Variants in GALNT13 observed in about 807,000 individuals in gnomAD.
The protein encoded by GALNT13 is polypeptide N-acetylgalactosaminyltransferase 13, also known as UDP-GalNAc:polypeptide N-acetylgalactosaminyltransferase 13.
GALNT13 carries 28 observed loss-of-function variants against 64.2 expected under a neutral mutation model. The observed-to-expected ratio is 0.44, with a 90% CI of 0.32 to 0.60. GALNT13 has a LOEUF of 0.60. Among genes scored for constraint, GALNT13 ranks in the 20% least tolerant of loss-of-function variants. The pLI, the probability that GALNT13 is intolerant of heterozygous loss-of-function variation, is 0.05. For missense variants in GALNT13, 577 were observed against 669.8 expected (o/e 0.86, Z 1.53); for synonymous variants, 214 against 224.6 (o/e 0.95, Z 0.42).
chr2:153,138,980 T>G, the GALNT13 span, among the ~76,000 whole-genome samples: 1 of 152,084 alleles, frequency 6.6e-6, no homozygotes, highest in Non-Finnish European at 1.5e-5. Context: ...ATGGAAATTT[T>G]CTGCCTGTCC....
At chr2:154,027,939 A>T (rs766876698) in intron 3 of GALNT13, among the ~76,000 whole-genome samples, 2 of 152,180 alleles carry the variant, frequency 1.3e-5, no homozygotes, top group African/African-American at 2.4e-5. Flanking sequence ...ATTTTTAAAT[A>T]AAGTGAATAT....
intron 4 of GALNT13, among the ~76,000 whole-genome samples, chr2:154,224,044 T>A: frequency 6.6e-6 from 1 of 152,094 alleles, no homozygotes; most frequent in African/African-American, 2.4e-5. Flanking sequence ...TTTATTTATT[T>A]ATTTGTATAG....
the GALNT13 span, among the ~76,000 whole-genome samples, chr2:153,094,285 G>A: frequency 7.9e-5 from 12 of 151,656 alleles, no homozygotes; most frequent in South Asian, 2.1e-4. Context: ...TGTATACTGC[G>A]TTTTTTGTAT....
the GALNT13 span, among the ~76,000 whole-genome samples, chr2:153,384,362 A>G: frequency 4.6e-5 from 7 of 152,168 alleles, no homozygotes; most frequent in East Asian, 9.7e-4. Flanking sequence ...CATTTTTAAA[A>G]CTTCGTGTTC....
the GALNT13 span, among the ~76,000 whole-genome samples, chr2:153,379,370 G>A: frequency 6.6e-6 from 1 of 152,100 alleles, no homozygotes; most frequent in Non-Finnish European, 1.5e-5. Flanking sequence ...GACCATCTAA[G>A]TGACCCTACA....
chr2:153,206,433 A>T, the GALNT13 span, among the ~76,000 whole-genome samples: 1 of 152,110 alleles, frequency 6.6e-6, no homozygotes, highest in Non-Finnish European at 1.5e-5. Context: ...AATTTTGTGG[A>T]TATATTATAA....
At chr2:153,922,855 G>A (rs1250517635) in intron 2 of GALNT13, among the ~76,000 whole-genome samples, 1 of 151,730 alleles carries the variant, frequency 6.6e-6, no homozygotes, top group Non-Finnish European at 1.5e-5. Flanking sequence ...AAAGTAATAA[G>A]GTCATTTGAA....
the GALNT13 span, among the ~76,000 whole-genome samples, chr2:153,708,500 A>G: frequency 6.6e-6 from 1 of 152,160 alleles, no homozygotes; most frequent in Non-Finnish European, 1.5e-5. Flanking sequence ...TATCATGGCA[A>G]TCAGTCTTTA....
the GALNT13 span, among the ~76,000 whole-genome samples, chr2:153,559,603 C>A: frequency 6.6e-6 from 1 of 152,070 alleles, no homozygotes; most frequent in East Asian, 1.9e-4. Flanking sequence ...CTGCTTGTTT[C>A]ACTTCTGTTA....
chr2:154,419,460 T>G (rs189205309), intron 11 of GALNT13, among the ~76,000 whole-genome samples: 3 of 152,324 alleles, frequency 2.0e-5, no homozygotes, highest in African/African-American at 7.2e-5. Context: ...GTTTCTACAT[T>G]TTGATTGTTA....
intron 12 of GALNT13, among the ~76,000 whole-genome samples, chr2:154,439,895 G>T (rs1701198151): frequency 6.6e-6 from 1 of 152,204 alleles, no homozygotes; most frequent in Admixed American, 6.5e-5. Flanking sequence ...GTACCAGTGT[G>T]ATTAAGATGC....
the GALNT13 span, among the ~76,000 whole-genome samples, chr2:153,857,993 A>G: frequency 2.0e-5 from 3 of 152,212 alleles, no homozygotes; most frequent in Non-Finnish European, 4.4e-5. Flanking sequence ...AACTGCCTCT[A>G]TAATAGGAGG....
chr2:154,081,125 T>C (rs1701251100), intron 3 of GALNT13, among the ~76,000 whole-genome samples: 1 of 151,614 alleles, frequency 6.6e-6, no homozygotes, highest in Non-Finnish European at 1.5e-5. Context: ...CAAATGATTT[T>C]AGCATCAACT....
At chr2:153,596,818 G>A in the GALNT13 span, among the ~76,000 whole-genome samples, 1 of 151,616 alleles carries the variant, frequency 6.6e-6, no homozygotes, top group African/African-American at 2.4e-5. Flanking sequence ...CTCATCAGTG[G>A]GAAAATAATA....
the GALNT13 span, among the ~76,000 whole-genome samples, chr2:153,831,888 C>T: frequency 6.6e-6 from 1 of 152,066 alleles, no homozygotes; most frequent in Non-Finnish European, 1.5e-5. Context: ...GTTCTATACT[C>T]GTGTGACATA....
chr2:153,223,248 C>T, the GALNT13 span, among the ~76,000 whole-genome samples: 1 of 152,244 alleles, frequency 6.6e-6, no homozygotes, highest in Admixed American at 6.5e-5. Flanking sequence ...CTTCAGCACA[C>T]TTCTATCAGT....
At chr2:153,327,025 AG>A in the GALNT13 span, among the ~76,000 whole-genome samples, 10 of 152,154 alleles carry the variant, frequency 6.6e-5, no homozygotes, top group Admixed American at 2.6e-4. Flanking sequence ...CAGAGGTTGC[AG>A]TGAGCCGAGA....
At chr2:153,627,041 T>G in the GALNT13 span, among the ~76,000 whole-genome samples, 1 of 152,084 alleles carries the variant, frequency 6.6e-6, no homozygotes, top group African/African-American at 2.4e-5. Context: ...CAAAAAGGGA[T>G]GAGGAATAAG....
the GALNT13 span, among the ~76,000 whole-genome samples, chr2:153,570,235 G>A: frequency 1.3e-5 from 2 of 151,964 alleles, no homozygotes; most frequent in African/African-American, 4.8e-5. Context: ...TTTGCCATTT[G>A]GATGTCTTCT....
Sources: allele counts gnomAD v4.1 joint callset (sites outside exome capture counted in the v4.1 genomes callset), GRCh38; gene constraint gnomAD v4.1.1; transcripts MANE v1.5; gene names NCBI Gene and HGNC (gene_info 2026-07-23, HGNC 2026-07-21).